LPCAT3: variants seen among roughly 807,000 people sequenced by gnomAD.
LPCAT3 encodes lysophospholipid acyltransferase 5.
LPCAT3 carries 21 observed loss-of-function variants against 63.4 expected under a neutral mutation model. That is an observed-to-expected ratio of 0.33 (90% CI 0.23 to 0.48). LPCAT3 has a LOEUF of 0.48. Ranked by LOEUF, LPCAT3 falls within the 20% of genes least tolerant of loss-of-function variation. LPCAT3 has a pLI of 0.99. For missense variants in LPCAT3, 451 were observed against 590.6 expected, an observed-to-expected ratio of 0.76 and a Z score of 2.45; for synonymous variants, 242 against 227.5, an observed-to-expected ratio of 1.06 and a Z score of -0.58.
At chr12:6,991,184 A>G (rs1946587458) in intron 1 of LPCAT3, among the ~76,000 whole-genome samples, 2 of 152,234 alleles carry the variant, frequency 1.3e-5, no homozygotes, top group African/African-American at 2.4e-5. Context: ...TCTGCATTTA[A>G]TCTGTTGTAA....
At chr12:6,995,051 A>G (rs1591552853) in intron 1 of LPCAT3, among the ~76,000 whole-genome samples, 1 of 151,282 alleles carries the variant, frequency 6.6e-6, no homozygotes, top group East Asian at 1.9e-4. Flanking sequence ...TTTTAATTTG[A>G]TATTTCATTA....
chr12:7,006,420 T>A (rs782680385), intron 1 of LPCAT3, among the ~76,000 whole-genome samples: 2 of 152,230 alleles, frequency 1.3e-5, no homozygotes, highest in Non-Finnish European at 2.9e-5. Context: ...GGTTTCACCA[T>A]GTTGCCCAGG....
intron 1 of LPCAT3, among the ~76,000 whole-genome samples, chr12:7,014,063 T>G (rs1245811318): frequency 6.6e-6 from 1 of 152,264 alleles, no homozygotes; most frequent in Non-Finnish European, 1.5e-5. Flanking sequence ...TGCTATTCCT[T>G]AAGTCTTACC....
In LPCAT3 at chr12:6,977,801, C is replaced by T. The variant is rs1946425055; in HGVS notation, c.1041-56G>A. 1.2e-6 allele frequency: 2 copies of T among 1,603,706 alleles called. No individual in the cohort carries two copies. The highest frequency in any genetic ancestry group is 1.7e-6 in the Non-Finnish European group (2 of 1,173,262). On this transcript the variant is annotated intron_variant, in intron 9 of 12. Coordinates refer to ENST00000261407, the MANE Select transcript of LPCAT3 (RefSeq NM_005768.6). This position sits in a 1 kb window ranked among gnomAD's most constrained non-coding sequence, Gnocchi z 4.5. Reference sequence around the variant, plus strand: ...AAACTGACTGGTCCTTGCATCCCGCCACCTGCCTCTGGGTCCTCACCCTGA... The same window carrying T: ...AAACTGACTGGTCCTTGCATCCCGCTACCTGCCTCTGGGTCCTCACCCTGA...
At chr12:6,993,006 T>G (rs1946603523) in intron 1 of LPCAT3, among the ~76,000 whole-genome samples, 1 of 152,202 alleles carries the variant, frequency 6.6e-6, no homozygotes, top group Non-Finnish European at 1.5e-5. Context: ...GTATTATTAT[T>G]TAGCTTAGAA....
intron 6 of LPCAT3, 24 bp downstream of exon 6, chr12:6,980,980 A>C (rs1555153981): frequency 2.2e-5 from 34 of 1,559,316 alleles, no homozygotes; most frequent in Non-Finnish European, 8.7e-7. Flanking sequence ...CTACACAAAC[A>C]TCTGGACCAA....
At chr12:6,980,301 C>A (rs1474481575) in intron 6 of LPCAT3, among the ~76,000 whole-genome samples, 1 of 151,978 alleles carries the variant, frequency 6.6e-6, no homozygotes, top group Non-Finnish European at 1.5e-5. Context: ...CCTTGGCCTC[C>A]CAGAGCGTTG....
intron 1 of LPCAT3, among the ~76,000 whole-genome samples, chr12:6,992,290 C>T (rs1946596651): frequency 6.6e-6 from 1 of 151,690 alleles, no homozygotes; most frequent in African/African-American, 2.4e-5. Context: ...CTGTGATGCC[C>T]CCACCGCACT....
intron 1 of LPCAT3, among the ~76,000 whole-genome samples, chr12:7,005,079 A>G (rs1408328597): frequency 6.6e-6 from 1 of 152,228 alleles, no homozygotes; most frequent in African/African-American, 2.4e-5. Flanking sequence ...CCTGTACCGC[A>G]TAGTGGCCAT....
chr12:6,996,476 C>G (rs1555156039), intron 1 of LPCAT3, among the ~76,000 whole-genome samples: 1 of 152,096 alleles, frequency 6.6e-6, no homozygotes, highest in Admixed American at 6.6e-5. Flanking sequence ...TCTTACTTTT[C>G]AGTCTTTCAA....
chr12:7,013,469 G>C (rs1336298385), intron 1 of LPCAT3, among the ~76,000 whole-genome samples: 3 of 152,196 alleles, frequency 2.0e-5, no homozygotes, highest in Admixed American at 2.0e-4. Flanking sequence ...CTTGGGTGGT[G>C]CTGGTGACAG....
chr12:7,016,242 G>T (rs1343388960), intron 1 of LPCAT3, among the ~76,000 whole-genome samples: 1 of 151,002 alleles, frequency 6.6e-6, no homozygotes, highest in African/African-American at 2.4e-5. Context: ...CACAGGCATG[G>T]CATGAGCCAC....
At chr12:7,015,519 T>C (rs782317922) in intron 1 of LPCAT3, among the ~76,000 whole-genome samples, 11 of 152,224 alleles carry the variant, frequency 7.2e-5, no homozygotes, top group Non-Finnish European at 1.5e-4. Context: ...AATGCACTCC[T>C]ACCACGCACA....
chr12:7,015,390 T>C (rs1481551774), intron 1 of LPCAT3, among the ~76,000 whole-genome samples: 1 of 152,150 alleles, frequency 6.6e-6, no homozygotes, highest in African/African-American at 2.4e-5. Flanking sequence ...AGTATCCCAG[T>C]TCCCTGAGAG....
At chr12:6,978,183 AG>A (rs1239429820) in intron 9 of LPCAT3, 157 bp downstream of exon 9, 8 of 670,776 alleles carry the variant, frequency 1.2e-5, no homozygotes, top group Non-Finnish European at 1.8e-5. Context: ...TTTTTTTGGG[AG>A]GGGGGTATAG....
intron 1 of LPCAT3, among the ~76,000 whole-genome samples, chr12:6,986,660 G>A (rs1946528879): frequency 6.6e-6 from 1 of 151,960 alleles, no homozygotes; most frequent in Non-Finnish European, 1.5e-5. Flanking sequence ...GCACACACCT[G>A]TAGTCCCAGC....
At chr12:7,002,219 T>C (rs1403426063) in intron 1 of LPCAT3, among the ~76,000 whole-genome samples, 3 of 152,214 alleles carry the variant, frequency 2.0e-5, no homozygotes, top group Non-Finnish European at 2.9e-5. Context: ...CTCCTGTTCT[T>C]ACCCTTATAT....
chr12:6,991,155 C>T (rs1946586841), intron 1 of LPCAT3, among the ~76,000 whole-genome samples: 1 of 152,066 alleles, frequency 6.6e-6, no homozygotes, highest in Non-Finnish European at 1.5e-5. Flanking sequence ...TAGAAGATGA[C>T]TGGATTCTCA....
chr12:6,997,417 G>A, intron 1 of LPCAT3: 1 of 150,262 alleles, frequency 6.7e-6, no homozygotes, highest in East Asian at 1.9e-4. Context: ...GTGTGTGTGT[G>A]TGTGTGTGTG....
Sources: allele counts gnomAD v4.1 joint callset (sites outside exome capture counted in the v4.1 genomes callset), GRCh38; gene constraint gnomAD v4.1.1; non-coding constraint Gnocchi (gnomAD v3.1); transcripts MANE v1.5; gene names NCBI Gene and HGNC (gene_info 2026-07-23, HGNC 2026-07-21).